Variants in GFRA2 observed in about 807,000 individuals in gnomAD.
GFRA2 encodes the protein GDNF family receptor alpha-2.
A neutral mutation model predicts 48.3 loss-of-function variants in GFRA2; 17 were observed. The observed-to-expected ratio is 0.35, with a 90% confidence interval of 0.24 to 0.53. The LOEUF is 0.53. GFRA2 is among the 20% of genes least tolerant of loss of function. The pLI is 0.93. For synonymous variants in GFRA2, 305 were observed against 257.2 expected (o/e 1.19, Z -1.78); for missense variants, 660 against 637.3 (o/e 1.04, Z -0.38).
At chr8:21,705,268 C>T (rs1455135042) in intron 5 of GFRA2, 143 bp from the exon 6 acceptor site, 6 of 751,256 alleles carry the variant, frequency 8.0e-6, no homozygotes, top group South Asian at 5.6e-5. Context: ...CCATCCCAAT[C>T]GCACTCCTAA....
intron 1 of GFRA2, among the ~76,000 whole-genome samples, chr8:21,785,660 G>A (rs1444631878): frequency 3.9e-5 from 6 of 152,152 alleles, no homozygotes; most frequent in African/African-American, 1.2e-4. Context: ...AAAGTCAGTC[G>A]GAAGTGGCCC....
chr8:21,790,205 G>C (rs1375853462), upstream of GFRA2: 1 of 515,986 alleles, frequency 1.9e-6, no homozygotes, highest in African/African-American at 2.1e-5. Context: ...CGGGGTCGCG[G>C]TCGCGCGAGG....
At chr8:21,708,160 C>T (rs1802842998) in intron 4 of GFRA2, among the ~76,000 whole-genome samples, 1 of 152,248 alleles carries the variant, frequency 6.6e-6, no homozygotes, top group African/African-American at 2.4e-5. Flanking sequence ...CATCATTCTG[C>T]ACCTCAGGAA....
upstream of GFRA2, among the ~76,000 whole-genome samples, chr8:21,789,546 G>A (rs1352827881): frequency 4.6e-5 from 7 of 152,200 alleles, no homozygotes; most frequent in African/African-American, 1.2e-4. Context: ...CCCAGGAGCC[G>A]AGGCCGACAA....
intron 1 of GFRA2, among the ~76,000 whole-genome samples, chr8:21,806,567 C>T (rs976286445): frequency 1.1e-4 from 16 of 152,170 alleles, no homozygotes; most frequent in African/African-American, 7.2e-5. Flanking sequence ...CGGACTCAAG[C>T]GATCCTCCTA....
chr8:21,743,476 A>G (rs1804852605), intron 4 of GFRA2, among the ~76,000 whole-genome samples: 1 of 152,222 alleles, frequency 6.6e-6, no homozygotes, highest in Admixed American at 6.5e-5. Context: ...AATTGTAGCT[A>G]CAATGGTAGT....
At chr8:21,734,808 T>C (rs1232932513) in intron 4 of GFRA2, among the ~76,000 whole-genome samples, 1 of 152,220 alleles carries the variant, frequency 6.6e-6, no homozygotes, top group Non-Finnish European at 1.5e-5. Context: ...TGATCTTTTA[T>C]ATCTCCTCTG....
intron 2 of GFRA2, among the ~76,000 whole-genome samples, chr8:21,801,777 T>C (rs1429599797): frequency 6.6e-6 from 1 of 152,098 alleles, no homozygotes; most frequent in Non-Finnish European, 1.5e-5. Flanking sequence ...CCACATCTCA[T>C]CAGCCCTGAG....
chr8:21,759,441 G>T (rs904096977), intron 3 of GFRA2, among the ~76,000 whole-genome samples: 2 of 83,150 alleles, frequency 2.4e-5, no homozygotes, highest in African/African-American at 1.1e-4. Flanking sequence ...AAAGAGGGAG[G>T]GAGAGAGGGA....
chr8:21,802,477 C>T (rs1807788878), intron 2 of GFRA2, among the ~76,000 whole-genome samples: 1 of 152,204 alleles, frequency 6.6e-6, no homozygotes. Flanking sequence ...ACCTCAGCTT[C>T]CCAAGTAGCT....
rs563157139 is a variant in GFRA2 at position 21,712,980 on chromosome 8, A to T, written c.795-6939T>A. On this transcript the variant is annotated intron_variant, in intron 4 of 8. Transcript: ENST00000524240. ...CAGTACAGTCCAGCTTCGGCTCGGC[A>T]TCAGAGGGAGACCGTGGAAAGAGGG... Among the ~76,000 whole-genome samples, 17 of 151,282 alleles carry T rather than the reference A, an allele frequency of 1.1e-4. No individual in the cohort carries two copies. The South Asian group carries it at 3.6e-3, about 32-fold the overall frequency.
intron 4 of GFRA2, among the ~76,000 whole-genome samples, chr8:21,725,742 G>A (rs1803835853): frequency 6.6e-6 from 1 of 152,220 alleles, no homozygotes; most frequent in Non-Finnish European, 1.5e-5. Flanking sequence ...GCACAGCTGG[G>A]AAGTGTGGGG....
chr8:21,786,072 G>A (rs995917908), intron 1 of GFRA2, among the ~76,000 whole-genome samples: 4 of 152,230 alleles, frequency 2.6e-5, no homozygotes, highest in Non-Finnish European at 2.9e-5. Context: ...CTCGAGGGAA[G>A]GAAACTGAAG....
chr8:21,753,213 C>T (rs533552837), intron 3 of GFRA2, among the ~76,000 whole-genome samples: 32 of 152,344 alleles, frequency 2.1e-4, no homozygotes, highest in Admixed American at 1.0e-3. Flanking sequence ...ATGCTGTCCG[C>T]TCACCACACA....
chr8:21,706,833 A>T (rs1184794749), intron 4 of GFRA2, among the ~76,000 whole-genome samples: 1 of 152,244 alleles, frequency 6.6e-6, no homozygotes, highest in African/African-American at 2.4e-5. Context: ...GTCTGTCCCC[A>T]GCCCTCAGCT....
chr8:21,731,201 T>G (rs1231780849), intron 4 of GFRA2, among the ~76,000 whole-genome samples: 1 of 152,104 alleles, frequency 6.6e-6, no homozygotes, highest in East Asian at 1.9e-4. Flanking sequence ...CAGCCTCGTC[T>G]TCTGAGTCAA....
intron 1 of GFRA2, among the ~76,000 whole-genome samples, chr8:21,805,491 G>C (rs945404132): frequency 1.1e-4 from 16 of 152,192 alleles, no homozygotes; most frequent in Non-Finnish European, 2.1e-4. Context: ...CAGTGGCTTG[G>C]GGAGGTAGAG....
intron 4 of GFRA2, among the ~76,000 whole-genome samples, chr8:21,711,140 T>C (rs1458535222): frequency 6.6e-6 from 1 of 152,220 alleles, no homozygotes. Flanking sequence ...GTGATCTCTG[T>C]GCCTTCTCTA....
At chr8:21,693,515 C>CAG (rs1304212386) in intron 8 of GFRA2, 115 bp from the exon 9 acceptor site, 2 of 935,024 alleles carry the variant, frequency 2.1e-6, no homozygotes, top group Non-Finnish European at 3.2e-6. Context: ...CCTCAAGCCC[C>CAG]TGTCCTCTCT....
Sources: allele counts gnomAD v4.1 joint callset (sites outside exome capture counted in the v4.1 genomes callset), GRCh38; gene constraint gnomAD v4.1.1; transcripts MANE v1.5; gene names NCBI Gene and HGNC (gene_info 2026-07-23, HGNC 2026-07-21).